Variants in AKAP9 observed in about 807,000 individuals in gnomAD.
AKAP9 encodes the protein A-kinase anchor protein 9.
Under a neutral mutation model 488.5 loss-of-function variants are expected in AKAP9, and 311 were observed. The observed-to-expected ratio is 0.64, with a 90% CI of 0.58 to 0.70. The LOEUF (loss-of-function observed/expected upper bound fraction) is 0.70. Ranked by LOEUF, AKAP9 falls within the 30% of genes least tolerant of loss-of-function variation. AKAP9 has a pLI of 0.00. For synonymous variants in AKAP9, 1,462 were observed against 1,483.5 expected (o/e 0.99, Z 0.33); for missense variants, 4,215 against 4,374.5 (o/e 0.96, Z 1.03).
At chr7:92,109,601 A>G (rs1391794257) in intron 49 of AKAP9, among the ~76,000 whole-genome samples, 3 of 152,224 alleles carry the variant, frequency 2.0e-5, no homozygotes, top group Non-Finnish European at 2.9e-5. Flanking sequence ...AGAGCCAGTC[A>G]TGGTGATTTT....
chr7:91,946,342 A>G (rs577987070), intron 1 of AKAP9, among the ~76,000 whole-genome samples: 1 of 151,286 alleles, frequency 6.6e-6, no homozygotes, highest in East Asian at 1.9e-4. Context: ...ATCAACATTT[A>G]TTGCAGCAAT....
At chr7:92,093,011 T>C in intron 38 of AKAP9, 86 bp from the exon 39 acceptor site, 1 of 1,192,468 alleles carries the variant, frequency 8.4e-7, no homozygotes, top group East Asian at 2.4e-5. Context: ...TCTCCTTAAC[T>C]ACAAATCAGT....
chr7:92,022,808 A>G lies in AKAP9; in HGVS notation c.3953-6A>G. ...TGTGCATTTTTTGTCTCTTTATATAACATAGATGTCAATCATAAAAGCAAG... is the reference window on the plus strand; with the variant it reads ...TGTGCATTTTTTGTCTCTTTATATAGCATAGATGTCAATCATAAAAGCAAG... On this transcript the variant is annotated splice_polypyrimidine_tract_variant and splice_region_variant and intron_variant, in intron 13 of 49. Transcript: ENST00000356239. 1 of 1,554,770 alleles carries G rather than the reference A, an allele frequency of 6.4e-7. No individual in the cohort carries two copies. Among genetic ancestry groups the G allele is most frequent in the East Asian group, 2.2e-5 (1 of 44,576 alleles).
At position 92,096,810 on chromosome 7, in the gene AKAP9, A is replaced by T. The variant is rs780111217; in HGVS notation, c.9851A>T (p.Tyr3284Phe). 1 of 1,614,252 alleles carries T rather than the reference A, an allele frequency of 6.2e-7. No homozygotes were observed. ...AAAATAGAATCACAGAGAATGCTAT[A>T]TGATGCCCAGTTGTCAGAAGAACAA... ...QQKIESQRML[Y>F]DAQLSEEQGR... is the part of the protein sequence containing the mutation. The change falls in exon 41 of 50, where the codon TAT (tyrosine) becomes TTT (phenylalanine). Residue 3284 changes from tyrosine (Y) to phenylalanine (F), a missense_variant. Coordinates refer to ENST00000356239, the MANE Select transcript of AKAP9 (RefSeq NM_005751.5).
At chr7:92,030,556 C>T (rs1480887206) in intron 15 of AKAP9, among the ~76,000 whole-genome samples, 123 of 150,498 alleles carry the variant, frequency 8.2e-4, no homozygotes, top group Admixed American at 8.2e-3. Context: ...GCAGGAGAGT[C>T]GCTTGAACCT....
In AKAP9 at chr7:92,083,364, T is replaced by C; in HGVS notation, c.8355T>C (p.Thr2785=). The C allele has an allele frequency of 6.2e-7, 1 of 1,614,022 alleles. No homozygotes were observed. The highest frequency in any genetic ancestry group is 8.5e-7 in the Non-Finnish European group (1 of 1,179,988). ...GCATTGCATCCCAGACAGATGGGAC[T>C]CTGAAGATCAGTAGCAGCAATCAGA... ...SKSIASQTDG[T]LKISSSNQTP... is the part of the protein sequence containing the mutation. Residue 2785 remains threonine, a synonymous_variant, in exon 33 of 50, where the codon ACT becomes ACC. Coordinates refer to ENST00000356239, the MANE Select transcript of AKAP9 (RefSeq NM_005751.5).
At chr7:92,041,810 A>G (rs1424836235) in intron 18 of AKAP9, 3 of 398,026 alleles carry the variant, frequency 7.5e-6, no homozygotes, top group Non-Finnish European at 1.3e-5. Flanking sequence ...TGCAAAATTG[A>G]CAAAAATTAA....
Position 91,992,868 on chromosome 7 carries a change from A to G in AKAP9, c.406-17A>G, listed in dbSNP as rs1230157256. 6.2e-7 allele frequency: 1 copy of G among 1,611,970 alleles called. No homozygotes were observed. The highest frequency in any genetic ancestry group is 1.1e-5 in the South Asian group (1 of 90,962). ...TATTGCTAATACTGAATTCTTTAAAATCTTGGATTGATTTAGGAAGAAGAA... is the reference window on the plus strand; with the variant it reads ...TATTGCTAATACTGAATTCTTTAAAGTCTTGGATTGATTTAGGAAGAAGAA... On this transcript the variant is annotated splice_polypyrimidine_tract_variant and intron_variant, in intron 4 of 49. Transcript: ENST00000356239.
intron 1 of AKAP9, among the ~76,000 whole-genome samples, chr7:91,952,453 A>G (rs1296095996): frequency 2.0e-5 from 3 of 152,238 alleles, no homozygotes; most frequent in Non-Finnish European, 4.4e-5. Flanking sequence ...AAAAACACAG[A>G]AGAGGGATAT....
intron 16 of AKAP9, among the ~76,000 whole-genome samples, chr7:92,034,736 T>G (rs184400144): frequency 2.0e-5 from 3 of 151,420 alleles, no homozygotes; most frequent in Admixed American, 2.0e-4. Context: ...TGACCTCAAG[T>G]GATCCACCCA....
At chr7:92,054,284 C>T (rs1210913486) in intron 22 of AKAP9, among the ~76,000 whole-genome samples, 3 of 151,982 alleles carry the variant, frequency 2.0e-5, no homozygotes, top group Admixed American at 2.0e-4. Context: ...AACTTATATT[C>T]CACTTTCCTC....
intron 1 of AKAP9, among the ~76,000 whole-genome samples, chr7:91,955,063 A>G (rs983465433): frequency 4.6e-5 from 7 of 152,184 alleles, no homozygotes; most frequent in African/African-American, 1.7e-4. Flanking sequence ...AGAATCCTTT[A>G]TATAAGATGA....
chr7:91,963,894 G>A (rs1252837190), intron 1 of AKAP9, among the ~76,000 whole-genome samples: 1 of 152,106 alleles, frequency 6.6e-6, no homozygotes, highest in African/African-American at 2.4e-5. Context: ...TCTGGCCATT[G>A]TTGTAACTGG....
At position 91,994,633 on chromosome 7, in the gene AKAP9, G is replaced by A; in HGVS notation, c.589G>A (p.Glu197Lys). 6.2e-7 allele frequency: 1 copy of A among 1,612,340 alleles called. No homozygotes were observed. Among genetic ancestry groups the A allele is most frequent in the Non-Finnish European group, 8.5e-7 (1 of 1,179,262 alleles). ...TEGLQQLQEF[E>K]AAIKQRDGII... ...TATTTTCTTTCAGTTACAAGAATTTGAAGCTGCCATTAAACAAAGAGATGG... is the reference window on the plus strand; with the variant it reads ...TATTTTCTTTCAGTTACAAGAATTTAAAGCTGCCATTAAACAAAGAGATGG... The change falls in exon 6 of 50, where the codon GAA becomes AAA. Residue 197 changes from glutamate (E) to lysine (K), a missense_variant. This residue lies in a region of AKAP9 where 2,361 missense variants were observed against 2,430.0 expected (regional missense o/e 0.97). Transcript: ENST00000356239.
Position 92,049,696 on chromosome 7 carries a change from T to A in AKAP9, c.5369-3030T>A, listed in dbSNP as rs1407365615. 3.3e-5 allele frequency among the ~76,000 whole-genome samples: 5 copies of A among 152,260 alleles called. No homozygotes were observed. The East Asian group carries it at 9.6e-4, about 29-fold the overall frequency. ...ATATTTCTATTTTATAGGATTTTTT[T>A]AAATTTGGTTTTTTCTTGGAACATA... On this transcript the variant is annotated intron_variant, in intron 21 of 49. Coordinates refer to ENST00000356239, the MANE Select transcript of AKAP9 (RefSeq NM_005751.5).
chr7:92,073,310 C>T lies in AKAP9; in HGVS notation c.6612+2301C>T, dbSNP rs1812030048. Among the ~76,000 whole-genome samples, 5 of 147,986 alleles carry T rather than the reference C, an allele frequency of 3.4e-5. No individual in the cohort carries two copies. The South Asian group carries it at 6.4e-4, about 19-fold the overall frequency. Reference sequence around the variant, plus strand: ...AGGAGAGCGAGACCATCCTGGCTAACATGGTGAAACCCCATCTCTACTAAA... The same window carrying T: ...AGGAGAGCGAGACCATCCTGGCTAATATGGTGAAACCCCATCTCTACTAAA... On this transcript the variant is annotated intron_variant, in intron 28 of 49. Transcript: ENST00000356239.
intron 1 of AKAP9, among the ~76,000 whole-genome samples, chr7:91,943,624 C>A (rs568423975): frequency 6.6e-6 from 1 of 152,242 alleles, no homozygotes; most frequent in East Asian, 1.9e-4. Flanking sequence ...ACTACTATGT[C>A]ATTTTATAGA....
intron 45 of AKAP9, 89 bp from the exon 46 acceptor site, chr7:92,102,505 C>T: frequency 2.0e-6 from 2 of 1,009,570 alleles, no homozygotes; most frequent in Non-Finnish European, 1.5e-6. Context: ...ACCACCACCA[C>T]TACTTGTTAA....
At chr7:92,036,445 C>T (rs1195423988) in intron 16 of AKAP9, among the ~76,000 whole-genome samples, 1 of 152,108 alleles carries the variant, frequency 6.6e-6, no homozygotes, top group East Asian at 1.9e-4. Flanking sequence ...GCTCACCACA[C>T]CCAGCTACAA....
Sources: gnomAD v4.1 joint callset for allele counts (sites outside exome capture counted in the v4.1 genomes callset) on GRCh38, gnomAD v4.1.1 for gene constraint, gnomAD v4.1.1 regional missense constraint, MANE v1.5 for transcripts, NCBI Gene and HGNC (gene_info 2026-07-23, HGNC 2026-07-21) for gene names.